AGTR1: variants seen among roughly 807,000 people sequenced by gnomAD.
The protein encoded by AGTR1 is angiotensin II receptor type 1.
AGTR1 carries 16 observed loss-of-function variants against 19.4 expected under a neutral mutation model. The ratio of observed to expected loss-of-function variants is 0.82; its 90% confidence interval spans 0.56 to 1.25. The LOEUF (loss-of-function observed/expected upper bound fraction) is 1.25. Among genes scored for constraint, AGTR1 ranks in the 50% most tolerant of loss-of-function variants. The pLI is 0.00. For synonymous variants in AGTR1, 153 were observed against 154.9 expected, an observed-to-expected ratio of 0.99 and a Z score of 0.09; for missense variants, 373 against 431.9, an observed-to-expected ratio of 0.86 and a Z score of 1.21.
At chr3:148,728,877 T>C (rs1298271206) in intron 2 of AGTR1, among the ~76,000 whole-genome samples, 2 of 152,082 alleles carry the variant, frequency 1.3e-5, no homozygotes, top group Non-Finnish European at 2.9e-5. Flanking sequence ...AACTAGAGAG[T>C]GTTAGATATT....
At chr3:148,700,777 A>T (rs1712292032) in intron 1 of AGTR1, among the ~76,000 whole-genome samples, 1 of 152,244 alleles carries the variant, frequency 6.6e-6, no homozygotes, top group Admixed American at 6.5e-5. Flanking sequence ...CTCCCATGTT[A>T]TCTAGCAAAC....
At chr3:148,734,681 T>C (rs1714469345) in intron 2 of AGTR1, among the ~76,000 whole-genome samples, 1 of 152,192 alleles carries the variant, frequency 6.6e-6, no homozygotes, top group African/African-American at 2.4e-5. Flanking sequence ...ATGAAGTTAG[T>C]CTAGGATTAC....
chr3:148,736,120 A>T (rs1045365205), intron 2 of AGTR1, among the ~76,000 whole-genome samples: 5 of 152,244 alleles, frequency 3.3e-5, no homozygotes, highest in Non-Finnish European at 2.9e-5. Flanking sequence ...AGGTATTAAT[A>T]TTCTAATCAA....
rs144156936 is a variant in AGTR1 at position 148,711,023 on chromosome 3, C to CA, written c.-48+2996_-48+2997insA. The stretch of plus-strand genomic sequence containing the variant: ...AGCTAACACCATGCTTCCTTGTAAG[C>CA]CTGCAGAACCAGGAGTCAGTTAAAG... On this transcript the variant is annotated intron_variant, in intron 2 of 2. Transcript: ENST00000349243. Among the ~76,000 whole-genome samples the CA allele has an allele frequency of 4.7e-3, 714 of 152,286 alleles. 11 individuals are homozygous for CA. Among genetic ancestry groups the CA allele is most frequent in the African/African-American group, 0.017 (696 of 41,570 alleles).
rs748715507 is a variant in AGTR1 at position 148,741,550 on chromosome 3, T to C, written c.515T>C (p.Ile172Thr). 3.1e-6 allele frequency: 5 copies of C among 1,614,150 alleles called. No individual in the cohort carries two copies. The highest frequency in any genetic ancestry group is 3.4e-6 in the Non-Finnish European group (4 of 1,179,968). ...PAIIHRNVFFIENTNITVCAF... is the reference protein window; with the variant it reads ...PAIIHRNVFFTENTNITVCAF... ...ATAATCCATCGAAATGTATTTTTCA[T>C]TGAGAACACCAATATTACAGTTTGT... Residue 172 changes from isoleucine to threonine, a missense_variant, in exon 3 of 3, where the codon ATT becomes ACT. Coordinates refer to ENST00000349243, the MANE Select transcript of AGTR1 (RefSeq NM_000685.5).
At chr3:148,732,137 C>A (rs1396828559) in intron 2 of AGTR1, among the ~76,000 whole-genome samples, 1 of 152,218 alleles carries the variant, frequency 6.6e-6, no homozygotes, top group Non-Finnish European at 1.5e-5. Flanking sequence ...ATTGCGCCCC[C>A]CTCTTCACAG....
chr3:148,719,112 G>A (rs1713462367), intron 2 of AGTR1, among the ~76,000 whole-genome samples: 3 of 152,170 alleles, frequency 2.0e-5, no homozygotes, highest in Admixed American at 2.0e-4. Flanking sequence ...AGGTATTGAA[G>A]TTGAAAGCTG....
At chr3:148,733,513 C>T (rs554767166) in intron 2 of AGTR1, among the ~76,000 whole-genome samples, 26 of 152,192 alleles carry the variant, frequency 1.7e-4, no homozygotes, top group Non-Finnish European at 3.1e-4. Context: ...ATTAAAGTTT[C>T]AAAGAAATAA....
intron 2 of AGTR1, among the ~76,000 whole-genome samples, chr3:148,721,248 G>T (rs1042753745): frequency 2.0e-5 from 3 of 152,194 alleles, no homozygotes; most frequent in South Asian, 2.1e-4. Context: ...CAGTGTATGA[G>T]TGTTCCTTTG....
chr3:148,702,473 A>G (rs1453672498), intron 1 of AGTR1, among the ~76,000 whole-genome samples: 3 of 152,228 alleles, frequency 2.0e-5, no homozygotes, highest in Non-Finnish European at 4.4e-5. Context: ...GGCCCTGAGG[A>G]TACAAGCCAA....
intron 2 of AGTR1, among the ~76,000 whole-genome samples, chr3:148,726,474 T>C (rs1713949397): frequency 1.3e-5 from 2 of 152,212 alleles, no homozygotes; most frequent in African/African-American, 4.8e-5. Flanking sequence ...CCCAAAGTGC[T>C]GGGATTACAG....
intron 2 of AGTR1, among the ~76,000 whole-genome samples, chr3:148,713,766 T>G (rs993773062): frequency 6.6e-6 from 1 of 152,120 alleles, no homozygotes; most frequent in African/African-American, 2.4e-5. Flanking sequence ...AAGCCACAGG[T>G]AGACAGGTTT....
chr3:148,700,231 A>G (rs970183737), intron 1 of AGTR1, among the ~76,000 whole-genome samples: 1 of 152,052 alleles, frequency 6.6e-6, no homozygotes, highest in African/African-American at 2.4e-5. Context: ...TATTATTTCA[A>G]TTATGACTAA....
intron 2 of AGTR1, among the ~76,000 whole-genome samples, chr3:148,720,565 C>T (rs1467407664): frequency 2.0e-5 from 3 of 152,102 alleles, no homozygotes; most frequent in Admixed American, 1.3e-4. Context: ...AATAGTAATT[C>T]ACAGGTTTGG....
intron 1 of AGTR1, among the ~76,000 whole-genome samples, chr3:148,702,350 T>C (rs1469427753): frequency 2.0e-5 from 3 of 152,316 alleles, no homozygotes; most frequent in East Asian, 1.9e-4. Context: ...TGATTCTATA[T>C]TAGTCAAAGC....
rs969473833 is a variant in AGTR1, at chr3:148,698,915, T to G, written c.-132+788T>G. Among the ~76,000 whole-genome samples the G allele has an allele frequency of 2.6e-5, 4 of 151,814 alleles. No individual in the cohort carries two copies. The South Asian group carries it at 8.3e-4, about 32-fold the overall frequency. ...TTTCTTAAATGTCCAGGTAAACATC[T>G]CCATAGTGCCAGCCTGCTATAGTCT... On this transcript the variant is annotated intron_variant, in intron 1 of 2. Coordinates refer to ENST00000349243, the MANE Select transcript of AGTR1 (RefSeq NM_000685.5).
intron 1 of AGTR1, among the ~76,000 whole-genome samples, chr3:148,707,364 G>T (rs1320543720): frequency 1.3e-5 from 2 of 152,090 alleles, no homozygotes; most frequent in African/African-American, 2.4e-5. Flanking sequence ...TAAATGCAGA[G>T]AAAAGTAATA....
chr3:148,712,446 A>G (rs1323560839), intron 2 of AGTR1, among the ~76,000 whole-genome samples: 1 of 152,084 alleles, frequency 6.6e-6, no homozygotes, highest in African/African-American at 2.4e-5. Context: ...AGGCCAAAAT[A>G]CTTCTGCACA....
chr3:148,738,181 C>T (rs755834512), intron 2 of AGTR1, among the ~76,000 whole-genome samples: 14 of 151,934 alleles, frequency 9.2e-5, no homozygotes, highest in Non-Finnish European at 1.6e-4. Context: ...AAGAAAATTT[C>T]CTCCCTGTTC....
Sources: gnomAD v4.1 joint callset for allele counts (sites outside exome capture counted in the v4.1 genomes callset) on GRCh38, gnomAD v4.1.1 for gene constraint, MANE v1.5 for transcripts, NCBI Gene and HGNC (gene_info 2026-07-23, HGNC 2026-07-21) for gene names.